Variants in SORL1 observed in about 807,000 individuals in gnomAD.
SORL1 encodes the protein sortilin-related receptor.
In SORL1, 127 loss-of-function variants were observed where a neutral mutation model predicts 273.7. The observed-to-expected ratio is 0.46, with a 90% CI of 0.40 to 0.54. The LOEUF is 0.54. Ranked by LOEUF, SORL1 falls within the 20% of genes least tolerant of loss-of-function variation. SORL1 has a pLI of 0.00. For missense variants in SORL1, 2,494 were observed against 2,846.1 expected, an observed-to-expected ratio of 0.88 and a Z score of 2.81; for synonymous variants, 1,031 against 1,067.4, an observed-to-expected ratio of 0.97 and a Z score of 0.66.
chr11:121,458,115 G>A (rs1860936611), intron 1 of SORL1, among the ~76,000 whole-genome samples: 2 of 152,164 alleles, frequency 1.3e-5, no homozygotes, highest in South Asian at 4.1e-4. Flanking sequence ...CTGGAGAGCA[G>A]GTAATCCAAA....
intron 3 of SORL1, among the ~76,000 whole-genome samples, chr11:121,479,398 CA>C (rs1202258320): frequency 1.3e-5 from 2 of 152,180 alleles, no homozygotes; most frequent in Non-Finnish European, 2.9e-5. Flanking sequence ...ATTCTAGTAG[CA>C]AAAGCTTTCT....
At chr11:121,481,320 C>G (rs1476016563) in intron 3 of SORL1, among the ~76,000 whole-genome samples, 1 of 127,816 alleles carries the variant, frequency 7.8e-6, no homozygotes, top group Admixed American at 7.5e-5. Context: ...AGCTCCTCCC[C>G]TAGTGCACAG....
intron 1 of SORL1, among the ~76,000 whole-genome samples, chr11:121,469,260 C>T (rs781586003): frequency 1.1e-4 from 17 of 152,286 alleles, no homozygotes; most frequent in Middle Eastern, 3.4e-3. Context: ...CAGTCCCAGG[C>T]CACACCTTCT....
intron 14 of SORL1, among the ~76,000 whole-genome samples, 156 bp from the exon 15 acceptor site, chr11:121,549,804 A>C (rs1862481770): frequency 6.6e-6 from 1 of 151,798 alleles, no homozygotes; most frequent in Non-Finnish European, 1.5e-5. Flanking sequence ...TCTTTTGAAG[A>C]TGTATTTTAT....
intron 16 of SORL1, among the ~76,000 whole-genome samples, chr11:121,551,463 AGAGACAT>A (rs1427877089): frequency 6.6e-6 from 1 of 152,240 alleles, no homozygotes; most frequent in Non-Finnish European, 1.5e-5. Context: ...TCTTTACCAC[AGAGACAT>A]GAAATTATGA....
At chr11:121,530,266 G>C (rs1862183519) in intron 11 of SORL1, among the ~76,000 whole-genome samples, 1 of 152,170 alleles carries the variant, frequency 6.6e-6, no homozygotes, top group Non-Finnish European at 1.5e-5. Context: ...AAAAATCTCT[G>C]TTTACCCATG....
intron 8 of SORL1, among the ~76,000 whole-genome samples, chr11:121,514,984 T>C (rs1861930610): frequency 6.6e-6 from 1 of 152,170 alleles, no homozygotes; most frequent in Non-Finnish European, 1.5e-5. Context: ...CCTGTGTGGC[T>C]GTGGTTAGAG....
At chr11:121,549,939 A>G in intron 14 of SORL1, 21 bp from the exon 15 acceptor site, 1 of 1,612,156 alleles carries the variant, frequency 6.2e-7, no homozygotes, top group Non-Finnish European at 8.5e-7. Flanking sequence ...TGGCCTTAAC[A>G]AAGCCCAATT....
chr11:121,532,874 C>T (rs771253785), intron 12 of SORL1, among the ~76,000 whole-genome samples: 9 of 151,840 alleles, frequency 5.9e-5, no homozygotes, highest in Non-Finnish European at 8.8e-5. Flanking sequence ...AGTAGAGACA[C>T]GGTTTTACCA....
intron 1 of SORL1, among the ~76,000 whole-genome samples, chr11:121,457,328 C>T (rs536360): frequency 6.6e-6 from 1 of 151,940 alleles, no homozygotes; most frequent in Non-Finnish European, 1.5e-5. Context: ...TGTACAAAAG[C>T]GTATGTGGTA....
Position 121,618,867 on chromosome 11 carries a change from A to G in SORL1, c.5698A>G (p.Ser1900Gly), listed in dbSNP as rs1459010044. The change falls in exon 42 of 48, where the codon AGT (serine) becomes GGT (glycine). Residue 1900 changes from serine to glycine, a missense_variant. Ser to Gly is a moderately conservative substitution (Grantham distance 56). Transcript: ENST00000260197. ...ACTCCACAACAAGACGGTCATTGTCAGTAAGGATGAGCAGTATTTGTTTCT... is the reference window on the plus strand; with the variant it reads ...ACTCCACAACAAGACGGTCATTGTCGGTAAGGATGAGCAGTATTTGTTTCT... ...TSLHNKTVIV[S>G]KDEQYLFLVR... 2 of 1,614,150 alleles carry G rather than the reference A, an allele frequency of 1.2e-6. No individual in the cohort carries two copies. The highest frequency in any genetic ancestry group is 1.7e-6 in the Non-Finnish European group (2 of 1,180,004).
intron 27 of SORL1, among the ~76,000 whole-genome samples, chr11:121,586,705 C>G (rs117553325): frequency 0.1 from 9,987 of 95,834 alleles, 398 homozygotes; most frequent in South Asian, 0.15. Flanking sequence ...GGGGGGGGGG[C>G]GGGGGGGGGG....
intron 11 of SORL1, among the ~76,000 whole-genome samples, chr11:121,526,281 C>A (rs1024618950): frequency 2.0e-5 from 3 of 151,998 alleles, no homozygotes; most frequent in African/African-American, 7.2e-5. Flanking sequence ...CAATTTTAGG[C>A]CAATTGGGTC....
chr11:121,462,932 A>C (rs1189378312), intron 1 of SORL1, among the ~76,000 whole-genome samples: 2 of 152,152 alleles, frequency 1.3e-5, no homozygotes, highest in Non-Finnish European at 2.9e-5. Context: ...ATAAATACTT[A>C]TTGACTGAAC....
At chr11:121,503,274 C>T (rs573110883) in intron 6 of SORL1, among the ~76,000 whole-genome samples, 2 of 152,104 alleles carry the variant, frequency 1.3e-5, no homozygotes, top group Admixed American at 1.3e-4. Flanking sequence ...TGAATATATA[C>T]TTCCCTTTCC....
chr11:121,531,650 A>G (rs1862203756), intron 11 of SORL1, among the ~76,000 whole-genome samples: 1 of 152,186 alleles, frequency 6.6e-6, no homozygotes, highest in Non-Finnish European at 1.5e-5. Flanking sequence ...TGCTTTCTGT[A>G]GGTGGTAGTT....
intron 6 of SORL1, among the ~76,000 whole-genome samples, chr11:121,507,573 T>C (rs1354558347): frequency 6.6e-6 from 1 of 152,132 alleles, no homozygotes; most frequent in Non-Finnish European, 1.5e-5. Flanking sequence ...AATTTTTCTT[T>C]TATTATACTT....
intron 20 of SORL1, 93 bp from the exon 21 acceptor site, chr11:121,559,426 A>G: frequency 9.3e-6 from 12 of 1,291,398 alleles, no homozygotes; most frequent in Non-Finnish European, 1.3e-5. Context: ...AATAAATGTT[A>G]GTTGTCTCCT....
At chr11:121,580,747 G>C (rs143836628) in intron 25 of SORL1, among the ~76,000 whole-genome samples, 191 of 151,864 alleles carry the variant, frequency 1.3e-3, no homozygotes, top group African/African-American at 4.5e-3. Context: ...TGGGGCTACA[G>C]ACATGTGCCA....
Sources: gnomAD v4.1 joint callset for allele counts (sites outside exome capture counted in the v4.1 genomes callset) on GRCh38, gnomAD v4.1.1 for gene constraint, MANE v1.5 for transcripts, NCBI Gene and HGNC (gene_info 2026-07-23, HGNC 2026-07-21) for gene names.